PARP8: variants seen among roughly 807,000 people sequenced by gnomAD.
PARP8 encodes the protein poly(ADP-ribose) polymerase family member 8, also known as protein mono-ADP-ribosyltransferase PARP8.
In PARP8, 51 loss-of-function variants were observed where a neutral mutation model predicts 124.1. The ratio of observed to expected loss-of-function variants is 0.41; its 90% confidence interval spans 0.33 to 0.52. The LOEUF (loss-of-function observed/expected upper bound fraction) is 0.52, where lower values mean the gene tolerates loss of function less well. Among genes scored for constraint, PARP8 ranks in the 20% least tolerant of loss-of-function variants. The pLI, the probability that PARP8 is intolerant of heterozygous loss-of-function variation, is 0.21. For synonymous variants in PARP8, 391 were observed against 361.5 expected (o/e 1.08, Z -0.93); for missense variants, 860 against 1,018.9 (o/e 0.84, Z 2.12).
At position 50,731,213 on chromosome 5, in the gene PARP8, ACT is replaced by A. The variant is rs1459972182; in HGVS notation, c.147-18935_147-18934del. On this transcript the variant is annotated intron_variant, in intron 2 of 25. Transcript: ENST00000281631. ...TTTCTGACTTCTGTTCCAACCTAAC[ACT>A]CTGTGAAATCAAGATCACATGTACA... Among the ~76,000 whole-genome samples, 5 of 152,182 alleles carry A rather than the reference ACT, an allele frequency of 3.3e-5. No homozygotes were observed. The East Asian group carries it at 9.6e-4, about 29-fold the overall frequency.
At chr5:50,744,426 T>A (rs1758340680) in intron 2 of PARP8, among the ~76,000 whole-genome samples, 1 of 152,240 alleles carries the variant, frequency 6.6e-6, no homozygotes, top group Non-Finnish European at 1.5e-5. Context: ...ATGGAGCAAC[T>A]GACAGCTGCT....
chr5:50,751,759 A>AGTCT (rs1240315559), intron 3 of PARP8, among the ~76,000 whole-genome samples: 1 of 152,168 alleles, frequency 6.6e-6, no homozygotes, highest in African/African-American at 2.4e-5. Context: ...GATAAAATCA[A>AGTCT]GTCTGTAATT....
chr5:50,692,494 C>CT (rs1187567820), intron 2 of PARP8, among the ~76,000 whole-genome samples: 2 of 151,216 alleles, frequency 1.3e-5, no homozygotes, highest in Non-Finnish European at 3.0e-5. Flanking sequence ...CAGAAAGAAG[C>CT]TTTTTTTTGG....
intron 12 of PARP8, among the ~76,000 whole-genome samples, chr5:50,796,296 A>G (rs1352627214): frequency 6.6e-6 from 1 of 152,208 alleles, no homozygotes; most frequent in African/African-American, 2.4e-5. Context: ...AAGTAATGTT[A>G]TTCTTATATA....
intron 5 of PARP8, among the ~76,000 whole-genome samples, chr5:50,760,726 A>G (rs148753298): frequency 0.01 from 1,530 of 152,166 alleles, 9 homozygotes; most frequent in Non-Finnish European, 0.014. Context: ...ATTTTAAAAG[A>G]TGATTTCTTT....
Position 50,771,305 on chromosome 5 carries a change from A to AT in PARP8, c.519-6761dup, listed in dbSNP as rs569122337. Among the ~76,000 whole-genome samples the AT allele has an allele frequency of 1.1e-4, 16 of 152,148 alleles. No individual in the cohort carries two copies. The East Asian group carries it at 2.7e-3, about 26-fold the overall frequency. On this transcript the variant is annotated intron_variant, in intron 7 of 25. Transcript: ENST00000281631. Reference sequence around the variant, plus strand: ...CTCCTGAGTAGCTGAGACTACAGGCATTTGCCACCACGCCTGGCTAATTTT... The same window carrying AT: ...CTCCTGAGTAGCTGAGACTACAGGCATTTTGCCACCACGCCTGGCTAATTTT...
At chr5:50,706,887 C>G (rs900706068) in intron 2 of PARP8, among the ~76,000 whole-genome samples, 9 of 152,036 alleles carry the variant, frequency 5.9e-5, no homozygotes, top group African/African-American at 2.2e-4. Context: ...TTACCTAATT[C>G]AGATTCTAAT....
Position 50,842,043 on chromosome 5 carries a change from T to C in PARP8, c.2540T>C (p.Ile847Thr), listed in dbSNP as rs745726720. 2.5e-6 allele frequency: 4 copies of C among 1,604,362 alleles called. No individual in the cohort carries two copies. The highest frequency in any genetic ancestry group is 1.1e-5 in the South Asian group (1 of 90,112). The change falls in exon 26 of 26, where the codon ATT becomes ACT. Residue 847 changes from isoleucine (I) to threonine (T), a missense_variant. Ile to Thr is a moderately conservative substitution (Grantham distance 89, BLOSUM62 -1). Transcript: ENST00000281631. ...GGIHKEILRV[I>T]GNQTATG is the part of the protein sequence containing the mutation. ...ATTCACAAAGAGATCCTCCGAGTAA[T>C]TGGTAATCAAACTGCTACTGGTTAA...
chr5:50,794,413 A>C lies in PARP8; in HGVS notation c.863+81A>C, dbSNP rs1742292518. ...TTCATGCTTACAGCATTCTTTCTAT[A>C]GTGTTGGCATCTGTTTATTTTCTTT... On this transcript the variant is annotated intron_variant, in intron 11 of 25. Transcript: ENST00000281631. 17 of 1,483,798 alleles carry C rather than the reference A, an allele frequency of 1.1e-5. 1 individual carries two copies. In the South Asian group the frequency reaches 2.2e-4, roughly 19 times the overall value. The allele number at this position is 1,483,798 out of a possible 1,614,324, so 91.9% of individuals were successfully genotyped here.
At chr5:50,822,613 CTCTGCCCT>C (rs1745889662) in intron 17 of PARP8, among the ~76,000 whole-genome samples, 4 of 152,188 alleles carry the variant, frequency 2.6e-5, no homozygotes, top group African/African-American at 9.7e-5. Flanking sequence ...ACTCCTAATA[CTCTGCCCT>C]CAAACTCGGG....
chr5:50,790,789 C>T (rs768717126), intron 10 of PARP8, among the ~76,000 whole-genome samples: 6 of 151,912 alleles, frequency 3.9e-5, no homozygotes, highest in Admixed American at 1.3e-4. Flanking sequence ...TATCCCTATC[C>T]GAGTGATTAA....
chr5:50,713,651 G>GAAC, intron 2 of PARP8, among the ~76,000 whole-genome samples: 1 of 151,924 alleles, frequency 6.6e-6, no homozygotes, highest in Non-Finnish European at 1.5e-5. Flanking sequence ...TGGAACTTGT[G>GAAC]AACATATTAC....
At chr5:50,840,503 C>T (rs1748063898) in intron 25 of PARP8, among the ~76,000 whole-genome samples, 1 of 151,572 alleles carries the variant, frequency 6.6e-6, no homozygotes. Flanking sequence ...AATAGCAGTC[C>T]TAGGGTCAAA....
intron 2 of PARP8, among the ~76,000 whole-genome samples, chr5:50,670,917 A>G (rs1377481757): frequency 2.6e-5 from 4 of 152,222 alleles, no homozygotes; most frequent in African/African-American, 9.6e-5. Context: ...GCATTTACAT[A>G]TGCTTGAAAA....
At chr5:50,827,897 T>C (rs188765895) in intron 19 of PARP8, 47 bp from the exon 20 acceptor site, 1 of 1,328,996 alleles carries the variant, frequency 7.5e-7, no homozygotes, top group Admixed American at 1.7e-5. Flanking sequence ...AGCCTGAATA[T>C]ATGTTAAGTT....
At chr5:50,797,336 A>G (rs1742672528) in intron 14 of PARP8, 103 bp downstream of exon 14, 1 of 789,256 alleles carries the variant, frequency 1.3e-6, no homozygotes, top group African/African-American at 1.8e-5. Flanking sequence ...GAAAGCAAAT[A>G]CTCTTTATTG....
intron 3 of PARP8, among the ~76,000 whole-genome samples, chr5:50,751,819 G>A (rs962437685): frequency 1.3e-5 from 2 of 152,024 alleles, no homozygotes; most frequent in Admixed American, 6.6e-5. Flanking sequence ...TATTTTTATG[G>A]AGCTTTCTTC....
At chr5:50,763,320 GA>G in intron 7 of PARP8, 78 bp downstream of exon 7, 1 of 1,136,316 alleles carries the variant, frequency 8.8e-7, no homozygotes, top group Non-Finnish European at 1.3e-6. Context: ...TAATTTAAAG[GA>G]AAAATTTGGG....
At chr5:50,737,410 A>C (rs1757576019) in intron 2 of PARP8, among the ~76,000 whole-genome samples, 1 of 150,896 alleles carries the variant, frequency 6.6e-6, no homozygotes, top group Non-Finnish European at 1.5e-5. Context: ...CCATGAGAAT[A>C]AGGGTACTCA....
Sources: gnomAD v4.1 joint callset for allele counts (sites outside exome capture counted in the v4.1 genomes callset) on GRCh38, gnomAD v4.1.1 for gene constraint, MANE v1.5 for transcripts, NCBI Gene and HGNC (gene_info 2026-07-23, HGNC 2026-07-21) for gene names.